The following CEACAM1 variants were observed in gnomAD, a reference collection of about 807,000 sequenced individuals.
CEACAM1 encodes cell adhesion molecule CEACAM1.
CEACAM1 carries 31 observed loss-of-function variants against 49.1 expected under a neutral mutation model. The observed-to-expected ratio is 0.63, with a 90% CI of 0.47 to 0.85. The LOEUF (loss-of-function observed/expected upper bound fraction) is 0.85. Ranked by LOEUF, CEACAM1 falls within the 40% of genes least tolerant of loss-of-function variation. The pLI, the probability that CEACAM1 is intolerant of heterozygous loss-of-function variation, is 0.00. For missense variants in CEACAM1, 570 were observed against 645.3 expected (o/e 0.88, Z 1.26); for synonymous variants, 244 against 247.8 (o/e 0.98, Z 0.14).
intron 4 of CEACAM1, among the ~76,000 whole-genome samples, chr19:42,520,022 C>G (rs2041704186): frequency 6.6e-6 from 1 of 152,192 alleles, no homozygotes; most frequent in African/African-American, 2.4e-5. Context: ...ATCTGGAGTT[C>G]CAATCCGAAG....
intron 5 of CEACAM1, among the ~76,000 whole-genome samples, chr19:42,518,265 C>G (rs753451817): frequency 1.3e-5 from 2 of 151,886 alleles, no homozygotes; most frequent in South Asian, 2.1e-4. Context: ...AACTTAAAAA[C>G]TTAGCCAGGC....
At chr19:42,522,702 C>T (rs1317678817) in intron 2 of CEACAM1, among the ~76,000 whole-genome samples, 1 of 152,176 alleles carries the variant, frequency 6.6e-6, no homozygotes, top group African/African-American at 2.4e-5. Context: ...GCTGGGACTA[C>T]AGGTGCATGC....
chr19:42,512,737 G>A (rs2041491430), intron 5 of CEACAM1, among the ~76,000 whole-genome samples: 1 of 150,290 alleles, frequency 6.7e-6, no homozygotes, highest in Admixed American at 6.6e-5. Context: ...GAGTGCAGTA[G>A]CATGATCTTG....
At position 42,527,219 on chromosome 19, in the gene CEACAM1, A is replaced by G. The variant is rs574464572; in HGVS notation, c.246T>C (p.Tyr82=). 2 of 1,613,978 alleles carry G rather than the reference A, an allele frequency of 1.2e-6. No homozygotes were observed. Among genetic ancestry groups the G allele is most frequent in the South Asian group, 1.1e-5 (1 of 91,074 alleles). ...GGGTAGCTTGTTGAGTTCCTATTGCATATCCTACAATTTGACGGTTGCCAT... is the reference window on the plus strand; with the variant it reads ...GGGTAGCTTGTTGAGTTCCTATTGCGTATCCTACAATTTGACGGTTGCCAT... ...RVDGNRQIVG[Y]AIGTQQATPG... is the part of the protein sequence containing the mutation. Residue 82 remains tyrosine (Y), a synonymous_variant, in exon 2 of 9, where the codon TAT becomes TAC. Transcript: ENST00000161559.
In CEACAM1 at chr19:42,522,723, G is replaced by A. The variant is rs375370621; in HGVS notation, c.425-521C>T. Among the ~76,000 whole-genome samples, 15 of 152,120 alleles carry A rather than the reference G, an allele frequency of 9.9e-5. No individual in the cohort carries two copies. In the East Asian group the frequency reaches 1.5e-3, roughly 16 times the overall value. On this transcript the variant is annotated intron_variant, in intron 2 of 8. Coordinates refer to ENST00000161559, the MANE Select transcript of CEACAM1 (RefSeq NM_001712.5). ...ACTACAGGTGCATGCCACCATGCCCGGCTAGTTTTTTGTATTTTAGCCAGG... is the reference window on the plus strand; with the variant it reads ...ACTACAGGTGCATGCCACCATGCCCAGCTAGTTTTTTGTATTTTAGCCAGG...
intron 5 of CEACAM1, chr19:42,514,968 A>G: frequency 3.1e-6 from 2 of 647,980 alleles, no homozygotes; most frequent in Non-Finnish European, 5.5e-6. Flanking sequence ...ATTACATTAA[A>G]TCTTTAAAAT....
Position 42,528,416 on chromosome 19 carries a change from T to G in CEACAM1, c.-42A>C. 1.2e-6 allele frequency: 2 copies of G among 1,600,322 alleles called. No homozygotes were observed. Among genetic ancestry groups the G allele is most frequent in the Non-Finnish European group, 1.7e-6 (2 of 1,167,686 alleles). ...CCTGTCTTCACCTGTGGAGGAGAGC[T>G]TGGGCTCCAGGAACGCTTCGAGCAC... On this transcript the variant is annotated 5_prime_UTR_variant, in exon 1 of 9. Transcript: ENST00000161559.
At chr19:42,513,982 G>T in intron 5 of CEACAM1, among the ~76,000 whole-genome samples, 1 of 100,594 alleles carries the variant, frequency 9.9e-6, no homozygotes, top group Non-Finnish European at 1.9e-5. Flanking sequence ...TTTTTTTTGA[G>T]GCAGGTTCTC....
rs202007402 is a variant in CEACAM1, at chr19:42,512,530, A to T, written c.1247-51T>A. On this transcript the variant is annotated intron_variant, in intron 5 of 8. Transcript: ENST00000161559. Reference sequence around the variant, plus strand: ...GAAATGAAAGTGAAATTATTTTACAATGGGGGCTGGGAAACAACTCTCAGA... The same window carrying T: ...GAAATGAAAGTGAAATTATTTTACATTGGGGGCTGGGAAACAACTCTCAGA... The T allele has an allele frequency of 5.1e-6, 8 of 1,556,960 alleles. No individual in the cohort carries two copies. In the Admixed American group the frequency reaches 6.7e-5, roughly 13 times the overall value.
intron 5 of CEACAM1, among the ~76,000 whole-genome samples, chr19:42,516,563 C>T (rs1424950031): frequency 2.0e-5 from 3 of 152,104 alleles, no homozygotes; most frequent in African/African-American, 7.2e-5. Context: ...GTTAAGATGA[C>T]AGTACTACCC....
intron 6 of CEACAM1, 125 bp downstream of exon 6, chr19:42,512,225 A>T: frequency 9.1e-7 from 1 of 1,102,798 alleles, no homozygotes; most frequent in Non-Finnish European, 1.3e-6. Context: ...ATTAGTGCCG[A>T]GAAGCAGGAG....
rs756402877 is a variant in CEACAM1, at chr19:42,521,277, G to C, written c.948C>G (p.Ile316Met). ...TGCNRTTVKT[I>M]IVTELSPVVA... ...CCAGGAATTACTTACCAGTGACTAT[G>C]ATCGTCTTGACTGTGGTCCTGTTGC... Residue 316 changes from isoleucine (I) to methionine (M), a missense_variant, in exon 4 of 9, where the codon ATC (isoleucine) becomes ATG (methionine). Physicochemically the swap from Ile to Met is conservative, Grantham distance 10. Transcript: ENST00000161559. The C allele has an allele frequency of 6.2e-7, 1 of 1,614,140 alleles. No individual in the cohort carries two copies. Among genetic ancestry groups the C allele is most frequent in the Non-Finnish European group, 8.5e-7 (1 of 1,179,978 alleles).
chr19:42,509,305 C>A, intron 8 of CEACAM1, 77 bp from the exon 9 acceptor site: 4 of 1,502,536 alleles, frequency 2.7e-6, no homozygotes, highest in Middle Eastern at 1.8e-4. Flanking sequence ...GATTCAGCAC[C>A]ACAAGCTGTT....
chr19:42,514,782 A>G (rs967170952), intron 5 of CEACAM1, among the ~76,000 whole-genome samples: 1 of 152,190 alleles, frequency 6.6e-6, no homozygotes, highest in African/African-American at 2.4e-5. Context: ...AACATGAAAA[A>G]ATGGAAGCTT....
At chr19:42,517,633 T>C (rs2041631475) in intron 5 of CEACAM1, among the ~76,000 whole-genome samples, 1 of 152,206 alleles carries the variant, frequency 6.6e-6, no homozygotes, top group South Asian at 2.1e-4. Context: ...TACCACCTTA[T>C]AACCATTAGG....
rs2041766535 is a variant in CEACAM1 at position 42,522,124 on chromosome 19, T to C, written c.503A>G (p.Glu168Gly). Residue 168 changes from glutamate (E) to glycine (G), a missense_variant, in exon 3 of 9, where the codon GAA becomes GGA. Physicochemically the swap from Glu to Gly is moderately conservative, Grantham distance 98. Transcript: ENST00000161559. ...GTAGGTTGTGTCCTGAGTCTCAGGT[T>C]CACAGGTGAAGGCCACAGCATCCTT... is the stretch of plus-strand genomic sequence containing the variant. ...EDKDAVAFTC[E>G]PETQDTTYLW... is the part of the protein sequence containing the mutation. 6.2e-7 allele frequency: 1 copy of C among 1,614,196 alleles called. No homozygotes were observed. The highest frequency in any genetic ancestry group is 8.5e-7 in the Non-Finnish European group (1 of 1,180,022).
intron 2 of CEACAM1, among the ~76,000 whole-genome samples, chr19:42,525,232 T>G (rs2041861347): frequency 6.6e-6 from 1 of 150,666 alleles, no homozygotes; most frequent in Admixed American, 6.6e-5. Flanking sequence ...ACATTTTTTT[T>G]TTTTTTTTTT....
At chr19:42,516,279 C>A (rs890084109) in intron 5 of CEACAM1, among the ~76,000 whole-genome samples, 1 of 151,944 alleles carries the variant, frequency 6.6e-6, no homozygotes, top group Non-Finnish European at 1.5e-5. Flanking sequence ...CCTAGAGATT[C>A]CACAAAAAAA....
rs2041388676 is a variant in CEACAM1, at chr19:42,508,938, CTG to C, written c.*169_*170del. 18 of 643,794 alleles carry C rather than the reference CTG, an allele frequency of 2.8e-5. No individual in the cohort carries two copies. In the South Asian group the frequency reaches 3.2e-4, roughly 11 times the overall value. 39.9% of individuals were successfully genotyped at this position (643,794 alleles called of 1,614,324 possible). A position where few individuals can be genotyped will look rare whatever the true frequency, so the allele number is the denominator to read the frequency against. ...CCCAATGTACTTTCATCTATTGACA[CTG>C]AGAGAGGGGCAGTGACCAGGCAGCC... On this transcript the variant is annotated 3_prime_UTR_variant, in exon 9 of 9. Transcript: ENST00000161559.
Sources: gnomAD v4.1 joint callset for allele counts (sites outside exome capture counted in the v4.1 genomes callset) on GRCh38, gnomAD v4.1.1 for gene constraint, MANE v1.5 for transcripts, NCBI Gene and HGNC (gene_info 2026-07-23, HGNC 2026-07-21) for gene names.